PAGE2B: variants seen among roughly 807,000 people sequenced by gnomAD.
PAGE2B encodes the protein PAGE family member 2B, also known as putative G antigen family E member 3.
A neutral mutation model predicts 7.6 loss-of-function variants in PAGE2B; 5 were observed. That is an observed-to-expected ratio of 0.66 (90% CI 0.34 to 1.38). PAGE2B has a LOEUF of 1.38. Among genes scored for constraint, PAGE2B ranks in the 40% most tolerant of loss-of-function variants. PAGE2B has a pLI of 0.04. For synonymous variants in PAGE2B, 29 were observed against 26.7 expected (o/e 1.09, Z -0.27); for missense variants, 70 against 78.4 (o/e 0.89, Z 0.41).
chrX:55,065,240 T>A, the PAGE2B span, among the ~76,000 whole-genome samples: 1 of 111,858 alleles, frequency 8.9e-6, no homozygotes, highest in African/African-American at 3.2e-5. Context: ...CTGTGTTGGG[T>A]GCATATATAT....
At chrX:55,035,400 A>C in the PAGE2B span, among the ~76,000 whole-genome samples, 604 of 111,987 alleles carry the variant, frequency 5.4e-3, 5 homozygotes, top group African/African-American at 0.019. Flanking sequence ...TAAATGGGTT[A>C]TGAAGCATGA....
At chrX:55,031,848 T>C in the PAGE2B span, among the ~76,000 whole-genome samples, 1 of 111,633 alleles carries the variant, frequency 9.0e-6, no homozygotes, top group African/African-American at 3.3e-5. Flanking sequence ...AGCAGGACCA[T>C]GTTATAACCA....
chrX:55,077,049 T>C (rs1266401236), intron 3 of PAGE2B, among the ~76,000 whole-genome samples: 1 of 111,725 alleles, frequency 9.0e-6, no homozygotes, highest in Non-Finnish European at 1.9e-5. Context: ...CACACCTTTA[T>C]TGATGCTTCC....
the PAGE2B span, among the ~76,000 whole-genome samples, chrX:55,051,292 G>A: frequency 1.4e-3 from 154 of 110,664 alleles, no homozygotes; most frequent in Non-Finnish European, 2.4e-3. Flanking sequence ...GTGTCTTGGA[G>A]TTGCTCTTCT....
At chrX:55,033,580 T>C in the PAGE2B span, among the ~76,000 whole-genome samples, 1 of 111,211 alleles carries the variant, frequency 9.0e-6, no homozygotes, top group South Asian at 3.8e-4. Context: ...CATAGTCCCC[T>C]CTCTCTCTCT....
At chrX:55,065,733 A>G in the PAGE2B span, among the ~76,000 whole-genome samples, 1 of 111,571 alleles carries the variant, frequency 9.0e-6, no homozygotes, top group African/African-American at 3.3e-5. Flanking sequence ...ATTTGAGGCT[A>G]TCATGAGGTT....
chrX:55,034,732 G>GAC, the PAGE2B span, among the ~76,000 whole-genome samples: 5 of 105,544 alleles, frequency 4.7e-5, no homozygotes, highest in Non-Finnish European at 9.6e-5. Flanking sequence ...GAACTAATAG[G>GAC]AGACACACAC....
chrX:55,049,193 C>T, the PAGE2B span, among the ~76,000 whole-genome samples: 29 of 111,109 alleles, frequency 2.6e-4, 1 homozygote, highest in African/African-American at 9.1e-4. Context: ...TGATGTGCTG[C>T]TGGATTCGGT....
At chrX:55,050,809 T>G in the PAGE2B span, among the ~76,000 whole-genome samples, 1 of 111,577 alleles carries the variant, frequency 9.0e-6, no homozygotes, top group Non-Finnish European at 1.9e-5. Context: ...CCCATTTACG[T>G]TTAAGGTTAG....
chrX:55,035,330 A>T, the PAGE2B span, among the ~76,000 whole-genome samples: 3 of 111,984 alleles, frequency 2.7e-5, no homozygotes, highest in African/African-American at 9.7e-5. Flanking sequence ...GAGCAAAAGG[A>T]AAAAAGTTTA....
At chrX:55,068,713 T>C in the PAGE2B span, among the ~76,000 whole-genome samples, 2 of 111,810 alleles carry the variant, frequency 1.8e-5, no homozygotes, top group East Asian at 2.8e-4. Flanking sequence ...TCTTATTTCA[T>C]TGAGCAGTGG....
chrX:55,076,428 GTATA>G (rs928984013), intron 2 of PAGE2B, 137 bp from the exon 3 acceptor site: 2 of 561,195 alleles, frequency 3.6e-6, no homozygotes, highest in East Asian at 3.7e-5. Flanking sequence ...ACGTATGTAT[GTATA>G]TATACATATA....
chrX:55,042,276 A>C, the PAGE2B span, among the ~76,000 whole-genome samples: 1 of 111,413 alleles, frequency 9.0e-6, no homozygotes, highest in Non-Finnish European at 1.9e-5. Flanking sequence ...CAAGCTGAGA[A>C]TCAAATCAAG....
At chrX:55,053,016 G>A in the PAGE2B span, among the ~76,000 whole-genome samples, 6 of 112,441 alleles carry the variant, frequency 5.3e-5, no homozygotes, top group East Asian at 2.8e-4. Flanking sequence ...TTTATCTTTT[G>A]TACTTCTACA....
chrX:55,056,209 A>G, the PAGE2B span, among the ~76,000 whole-genome samples: 2 of 111,330 alleles, frequency 1.8e-5, no homozygotes, highest in African/African-American at 3.3e-5. Flanking sequence ...CCCACAGAGA[A>G]GATAATAGTA....
the PAGE2B span, among the ~76,000 whole-genome samples, chrX:55,028,868 A>G: frequency 1.3e-3 from 150 of 111,616 alleles, no homozygotes; most frequent in African/African-American, 4.6e-3. Context: ...CTCTAGAGCC[A>G]AACTACTTGG....
chrX:55,042,686 AAG>A, the PAGE2B span, among the ~76,000 whole-genome samples: 15 of 101,812 alleles, frequency 1.5e-4, no homozygotes, highest in African/African-American at 5.6e-4. Context: ...AAAAAAAAAA[AAG>A]AAATCATAGA....
the PAGE2B span, among the ~76,000 whole-genome samples, chrX:55,033,565 C>T: frequency 3.6e-5 from 4 of 111,909 alleles, no homozygotes; most frequent in South Asian, 1.1e-3. Flanking sequence ...CCTGGCCCTT[C>T]TCTACATAGT....
At chrX:55,050,409 G>A in the PAGE2B span, among the ~76,000 whole-genome samples, 1 of 108,846 alleles carries the variant, frequency 9.2e-6, no homozygotes, top group Non-Finnish European at 1.9e-5. Context: ...ACAGTGGGGT[G>A]TTAAAGTCTC....
Sources: allele counts gnomAD v4.1 joint callset (sites outside exome capture counted in the v4.1 genomes callset), GRCh38; gene constraint gnomAD v4.1.1; transcripts MANE v1.5; gene names NCBI Gene and HGNC (gene_info 2026-07-23, HGNC 2026-07-21).